SLC38A3: variants seen among roughly 807,000 people sequenced by gnomAD.
SLC38A3 encodes sodium-coupled neutral amino acid transporter 3.
SLC38A3 carries 17 observed loss-of-function variants against 59.5 expected under a neutral mutation model. The ratio of observed to expected loss-of-function variants is 0.29; its 90% CI spans 0.20 to 0.43. The LOEUF (loss-of-function observed/expected upper bound fraction) is 0.43, where lower values mean the gene tolerates loss of function less well. Among genes scored for constraint, SLC38A3 ranks in the 20% least tolerant of loss-of-function variants. The pLI is 1.00. For missense variants in SLC38A3, 454 were observed against 653.9 expected, an observed-to-expected ratio of 0.69 and a Z score of 3.33; for synonymous variants, 238 against 260.3, an observed-to-expected ratio of 0.91 and a Z score of 0.82.
chr3:50,210,932 G>A (rs1699717171), intron 1 of SLC38A3, among the ~76,000 whole-genome samples: 1 of 152,304 alleles, frequency 6.6e-6, no homozygotes, highest in South Asian at 2.1e-4. Context: ...CCCATGGACT[G>A]TTCTGGGGAT....
chr3:50,215,033 C>G lies in SLC38A3; in HGVS notation c.299+265C>G. ...GCACCTTACACGTGATGGCCAAGCC[C>G]CACGGCCAGGCCTTGTGTGGGCACA... On this transcript the variant is annotated intron_variant, in intron 4 of 15. Coordinates refer to ENST00000614032, the MANE Select transcript of SLC38A3 (RefSeq NM_006841.6). This position sits in a 1 kb window ranked among gnomAD's most constrained non-coding sequence, Gnocchi z 7.1. 1 of 575,294 alleles carries G rather than the reference C, an allele frequency of 1.7e-6. No individual in the cohort carries two copies. Among genetic ancestry groups the G allele is most frequent in the South Asian group, 2.1e-5 (1 of 48,188 alleles). 35.6% of individuals were successfully genotyped at this position (575,294 alleles called of 1,614,324 possible). A position where few individuals can be genotyped will look rare whatever the true frequency, so the allele number is the denominator to read the frequency against.
intron 1 of SLC38A3, among the ~76,000 whole-genome samples, chr3:50,212,882 C>T (rs540847850): frequency 5.1e-4 from 77 of 152,256 alleles, no homozygotes; most frequent in African/African-American, 1.8e-3. Context: ...GGTTCTCCAT[C>T]AGAGAGGGCA....
intron 1 of SLC38A3, among the ~76,000 whole-genome samples, chr3:50,213,246 C>T (rs1407308897): frequency 2.0e-5 from 3 of 152,106 alleles, no homozygotes; most frequent in African/African-American, 7.2e-5. Context: ...TGGCCTGGGG[C>T]CCTAGGAAAT....
At position 50,215,531 on chromosome 3, in the gene SLC38A3, C is replaced by T. The variant is rs992924189; in HGVS notation, c.374-13C>T. ...TGGGACAAGCTCCTGACTTCTTGAC[C>T]CTGCTCCTGCAGGCATCCGTGCCTA... On this transcript the variant is annotated splice_polypyrimidine_tract_variant and intron_variant, in intron 5 of 15. Coordinates refer to ENST00000614032, the MANE Select transcript of SLC38A3 (RefSeq NM_006841.6). The surrounding 1 kb of genome is among the most constrained non-coding windows in gnomAD (Gnocchi z 7.1). The T allele has an allele frequency of 1.2e-6, 2 of 1,613,672 alleles. No individual in the cohort carries two copies. Among genetic ancestry groups the T allele is most frequent in the African/African-American group, 2.7e-5 (2 of 74,918 alleles).
intron 1 of SLC38A3, among the ~76,000 whole-genome samples, chr3:50,213,620 A>G (rs561017680): frequency 6.6e-6 from 1 of 152,316 alleles, no homozygotes; most frequent in African/African-American, 2.4e-5. Flanking sequence ...GCGGCTGGGA[A>G]CAGGGCCCAC....
At chr3:50,210,897 C>T (rs539480570) in intron 1 of SLC38A3, among the ~76,000 whole-genome samples, 1 of 152,272 alleles carries the variant, frequency 6.6e-6, no homozygotes, top group South Asian at 2.1e-4. Flanking sequence ...TCTCCCCACC[C>T]TAGCTCCTGG....
Position 50,217,630 on chromosome 3 carries a change from A to G in SLC38A3, c.691-46A>G, listed in dbSNP as rs1699836452. 2.5e-6 allele frequency: 4 copies of G among 1,601,840 alleles called. No homozygotes were observed. Among genetic ancestry groups the G allele is most frequent in the Non-Finnish European group, 3.4e-6 (4 of 1,171,340 alleles). ...GTGGCTTCATGGTGACTTCCCAGGC[A>G]GTCCAGCCTGGGAGTCTCTGACACC... On this transcript the variant is annotated intron_variant, in intron 9 of 15. Transcript: ENST00000614032. The surrounding 1 kb of genome is among the most constrained non-coding windows in gnomAD (Gnocchi z 4.9).
chr3:50,217,367 C>T lies in SLC38A3; in HGVS notation c.631+47C>T, dbSNP rs1292435453. ...CCTTGGAGGGGATGTTGGAGGCATA[C>T]ACCATGGGAGGGGCCCCAGGTCTCA... On this transcript the variant is annotated intron_variant, in intron 8 of 15. Coordinates refer to ENST00000614032, the MANE Select transcript of SLC38A3 (RefSeq NM_006841.6). The surrounding 1 kb of genome is among the most constrained non-coding windows in gnomAD (Gnocchi z 4.9). 3 of 1,610,872 alleles carry T rather than the reference C, an allele frequency of 1.9e-6. No individual in the cohort carries two copies. The highest frequency in any genetic ancestry group is 2.5e-6 in the Non-Finnish European group (3 of 1,178,022).
At chr3:50,213,490 A>C (rs1275463682) in intron 1 of SLC38A3, among the ~76,000 whole-genome samples, 1 of 152,206 alleles carries the variant, frequency 6.6e-6, no homozygotes, top group Non-Finnish European at 1.5e-5. Context: ...CCAGCCACCC[A>C]GCACCGCCTC....
At position 50,217,301 on chromosome 3, in the gene SLC38A3, G is replaced by C. The variant is rs779247653; in HGVS notation, c.612G>C (p.Leu204=). ...ILVSVTIILP[L]ALMRQLGYLG... is the part of the protein sequence containing the mutation. Reference sequence around the variant, plus strand: ...TCTCTGTCACCATCATTCTGCCCCTGGCACTGATGCGGCAGCTTGGTGAGT... The same window carrying C: ...TCTCTGTCACCATCATTCTGCCCCTCGCACTGATGCGGCAGCTTGGTGAGT... Residue 204 remains leucine (L), a synonymous_variant, in exon 8 of 16, where the codon CTG becomes CTC. Coordinates refer to ENST00000614032, the MANE Select transcript of SLC38A3 (RefSeq NM_006841.6). The surrounding 1 kb of genome is among the most constrained non-coding windows in gnomAD (Gnocchi z 4.9). 6.2e-7 allele frequency: 1 copy of C among 1,613,638 alleles called. No homozygotes were observed. The highest frequency in any genetic ancestry group is 8.5e-7 in the Non-Finnish European group (1 of 1,179,734).
At position 50,215,611 on chromosome 3, in the gene SLC38A3, G is replaced by A; in HGVS notation, c.441G>A (p.Leu147=). The change falls in exon 6 of 16, where the codon CTG becomes CTA. Residue 147 remains leucine (L), a synonymous_variant. Transcript: ENST00000614032. The surrounding 1 kb of genome is among the most constrained non-coding windows in gnomAD (Gnocchi z 7.1). ...FGTPGKLAAA[L]AITLQNIGAM... ...CCCCAGGAAAGCTGGCAGCAGCCCT[G>A]GCCATCACGCTCCAGAACATCGGAG... The A allele has an allele frequency of 6.2e-7, 1 of 1,613,718 alleles. No individual in the cohort carries two copies. The highest frequency in any genetic ancestry group is 8.5e-7 in the Non-Finnish European group (1 of 1,179,870).
Position 50,218,984 on chromosome 3 carries a change from G to T in SLC38A3, c.1306+36G>T, listed in dbSNP as rs369087207. ...GGCCCTGCTGTGGAAGCAGGGTATT[G>T]CCCCAGAGGATTTCAACTCTGCAAA... On this transcript the variant is annotated intron_variant, in intron 14 of 15. Coordinates refer to ENST00000614032, the MANE Select transcript of SLC38A3 (RefSeq NM_006841.6). This position sits in a 1 kb window ranked among gnomAD's most constrained non-coding sequence, Gnocchi z 5.8. 223 of 1,588,900 alleles carry T rather than the reference G, an allele frequency of 1.4e-4. 10 individuals carry two copies. Among genetic ancestry groups the T allele is most frequent in the East Asian group, 9.7e-4 (43 of 44,184 alleles).
Position 50,217,561 on chromosome 3 carries a change from G to A in SLC38A3, c.690+88G>A. 6.3e-7 allele frequency: 1 copy of A among 1,578,344 alleles called. No homozygotes were observed. Among genetic ancestry groups the A allele is most frequent in the Non-Finnish European group, 8.7e-7 (1 of 1,154,438 alleles). ...CATCAGGAGGGGGCAGGTGTCTCTG[G>A]GAAGCCTGGGCCAGAAGGCAGCTCC... On this transcript the variant is annotated intron_variant, in intron 9 of 15. Coordinates refer to ENST00000614032, the MANE Select transcript of SLC38A3 (RefSeq NM_006841.6). The surrounding 1 kb of genome is among the most constrained non-coding windows in gnomAD (Gnocchi z 4.9).
Position 50,218,851 on chromosome 3 carries a change from C to G in SLC38A3, c.1209C>G (p.Ser403Arg), listed in dbSNP as rs777608477. The G allele has an allele frequency of 6.2e-7, 1 of 1,613,250 alleles. No individual in the cohort carries two copies. The highest frequency in any genetic ancestry group is 2.2e-5 in the East Asian group (1 of 44,852). The change falls in exon 14 of 16, where the codon AGC becomes AGG. Residue 403 changes from serine (S) to arginine (R), a missense_variant. Physicochemically the swap from Ser to Arg is moderately radical, Grantham distance 110 (BLOSUM62 -1). This residue lies in a region of SLC38A3 where 390 missense variants were observed against 557.9 expected (regional missense o/e 0.70). Transcript: ENST00000614032. This position sits in a 1 kb window ranked among gnomAD's most constrained non-coding sequence, Gnocchi z 5.8. ...TGCTGTTTCCAAACCAGGAGTTCAG[C>G]TGGCTGCGGCATGTGCTTATTGCCG... ...QQMLFPNQEFSWLRHVLIAVG... is the reference protein window; with the variant it reads ...QQMLFPNQEFRWLRHVLIAVG...
At position 50,214,346 on chromosome 3, in the gene SLC38A3, A is replaced by G. The variant is rs1272714228; in HGVS notation, c.101+46A>G. 1 of 1,608,382 alleles carries G rather than the reference A, an allele frequency of 6.2e-7. No homozygotes were observed. Among genetic ancestry groups the G allele is most frequent in the Non-Finnish European group, 8.5e-7 (1 of 1,176,464 alleles). On this transcript the variant is annotated intron_variant, in intron 2 of 15. Transcript: ENST00000614032. This position sits in a 1 kb window ranked among gnomAD's most constrained non-coding sequence, Gnocchi z 6.0. ...GTGGTGGCTGAAGACAGGGCAGGGC[A>G]GGGATACAGAGCAAAGGGCTGGAGC...
In SLC38A3 at chr3:50,214,797, A is replaced by T. The variant is rs771448964; in HGVS notation, c.299+29A>T. ...AGTGCCCTCAGAGAAACTTCTAAAG[A>T]TAGGGGCCCTAAGCAAGCCACCAAT... On this transcript the variant is annotated intron_variant, in intron 4 of 15. Coordinates refer to ENST00000614032, the MANE Select transcript of SLC38A3 (RefSeq NM_006841.6). This position sits in a 1 kb window ranked among gnomAD's most constrained non-coding sequence, Gnocchi z 6.0. 6.9e-7 allele frequency: 1 copy of T among 1,445,120 alleles called. No homozygotes were observed. Among genetic ancestry groups the T allele is most frequent in the Non-Finnish European group, 9.6e-7 (1 of 1,042,754 alleles). The allele number at this position is 1,445,120 out of a possible 1,614,324, so 89.5% of individuals were successfully genotyped here.
chr3:50,215,662 A>C lies in SLC38A3; in HGVS notation c.466+26A>C. On this transcript the variant is annotated intron_variant, in intron 6 of 15. Transcript: ENST00000614032. This position sits in a 1 kb window ranked among gnomAD's most constrained non-coding sequence, Gnocchi z 7.1. The stretch of plus-strand genomic sequence containing the variant: ...GTAAGAGCAGTGGGCAGGGGCAGGC[A>C]GTAGGGAGGTGGACAGCCCTGAAAG... The C allele has an allele frequency of 6.2e-7, 1 of 1,612,368 alleles. No homozygotes were observed. The highest frequency in any genetic ancestry group is 1.1e-5 in the South Asian group (1 of 91,026).
Position 50,214,834 on chromosome 3 carries a change from A to G in SLC38A3, c.299+66A>G, listed in dbSNP as rs1287400112. The G allele has an allele frequency of 3.0e-6, 3 of 1,012,598 alleles. No individual in the cohort carries two copies. The African/African-American group carries it at 4.8e-5, about 16-fold the overall frequency. 62.7% of individuals were successfully genotyped at this position (1,012,598 alleles called of 1,614,324 possible). Reference sequence around the variant, plus strand: ...AGCAAGCCACCAATCATGACCTCCCAGGACCCGCCAGTTCCCTGTCCCAGC... The same window carrying G: ...AGCAAGCCACCAATCATGACCTCCCGGGACCCGCCAGTTCCCTGTCCCAGC... On this transcript the variant is annotated intron_variant, in intron 4 of 15. Coordinates refer to ENST00000614032, the MANE Select transcript of SLC38A3 (RefSeq NM_006841.6). The surrounding 1 kb of genome is among the most constrained non-coding windows in gnomAD (Gnocchi z 6.0).
rs1433338270 is a variant in SLC38A3, at chr3:50,214,179, C to T, written c.-21C>T. 1.9e-6 allele frequency: 3 copies of T among 1,605,676 alleles called. No individual in the cohort carries two copies. Among genetic ancestry groups the T allele is most frequent in the African/African-American group, 1.3e-5 (1 of 74,738 alleles). On this transcript the variant is annotated 5_prime_UTR_variant, in exon 2 of 16. Transcript: ENST00000614032. The surrounding 1 kb of genome is among the most constrained non-coding windows in gnomAD (Gnocchi z 6.0). ...TGACTGTTGGTGTGAGACCAGTGCT[C>T]CTGGTGGTGTGCCCTGAGCCATGGA...
Sources: gnomAD v4.1 joint callset for allele counts (sites outside exome capture counted in the v4.1 genomes callset) on GRCh38, gnomAD v4.1.1 for gene constraint, gnomAD v4.1.1 regional missense constraint, Gnocchi (gnomAD v3.1) non-coding constraint, MANE v1.5 for transcripts, NCBI Gene and HGNC (gene_info 2026-07-23, HGNC 2026-07-21) for gene names.